Variants in PDE7B observed in about 807,000 individuals in gnomAD.
The protein encoded by PDE7B is 3',5'-cyclic-AMP phosphodiesterase 7B.
A neutral mutation model predicts 56.2 loss-of-function variants in PDE7B; 29 were observed. That is an observed-to-expected ratio of 0.52 (90% CI 0.38 to 0.70). The LOEUF is 0.70. PDE7B is among the 30% of genes least tolerant of loss of function. PDE7B has a pLI of 0.00. For missense variants in PDE7B, 490 were observed against 565.0 expected (o/e 0.87, Z 1.35); for synonymous variants, 197 against 196.9 (o/e 1.00, Z 0.00).
intron 2 of PDE7B, among the ~76,000 whole-genome samples, chr6:135,960,242 CAATA>C (rs1346241781): frequency 6.6e-6 from 1 of 152,102 alleles, no homozygotes; most frequent in Non-Finnish European, 1.5e-5. Flanking sequence ...TAGGACATAA[CAATA>C]AATAAAGGAT....
chr6:135,974,309 T>C (rs1208662464), intron 2 of PDE7B, among the ~76,000 whole-genome samples: 3 of 147,384 alleles, frequency 2.0e-5, no homozygotes, highest in Non-Finnish European at 4.5e-5. Flanking sequence ...ATATATCTTA[T>C]AAATGTGTGT....
At chr6:136,042,595 C>T (rs1454101522) in intron 2 of PDE7B, among the ~76,000 whole-genome samples, 1 of 152,178 alleles carries the variant, frequency 6.6e-6, no homozygotes, top group African/African-American at 2.4e-5. Flanking sequence ...TGTAACGTCT[C>T]CTGCCTTTCA....
chr6:136,186,433 GA>G (rs775901761), intron 11 of PDE7B, among the ~76,000 whole-genome samples: 1 of 151,610 alleles, frequency 6.6e-6, no homozygotes, highest in Non-Finnish European at 1.5e-5. Flanking sequence ...GTCTCAAAAA[GA>G]AAAAAAGAAA....
At chr6:136,128,880 C>A (rs1188179372) in intron 3 of PDE7B, among the ~76,000 whole-genome samples, 1 of 152,150 alleles carries the variant, frequency 6.6e-6, no homozygotes, top group Non-Finnish European at 1.5e-5. Context: ...CTTTGTCCCA[C>A]CTTTCTGCTC....
intron 2 of PDE7B, among the ~76,000 whole-genome samples, chr6:135,997,732 T>C (rs985857942): frequency 1.3e-5 from 2 of 152,112 alleles, no homozygotes; most frequent in African/African-American, 4.8e-5. Flanking sequence ...AGGAGAACTG[T>C]TTTTCTTACA....
intron 2 of PDE7B, among the ~76,000 whole-genome samples, chr6:136,040,640 G>A (rs539438528): frequency 6.6e-6 from 1 of 152,246 alleles, no homozygotes; most frequent in South Asian, 2.1e-4. Flanking sequence ...CTGCACAGAG[G>A]CAGAGGTTTA....
At chr6:136,075,661 C>T (rs892661859) in intron 2 of PDE7B, among the ~76,000 whole-genome samples, 3 of 152,226 alleles carry the variant, frequency 2.0e-5, no homozygotes, top group Non-Finnish European at 4.4e-5. Flanking sequence ...TCATGGCCAT[C>T]TCTTCTCCCT....
chr6:136,108,150 A>AAT (rs1000286903), intron 2 of PDE7B, among the ~76,000 whole-genome samples: 13 of 150,780 alleles, frequency 8.6e-5, no homozygotes, highest in African/African-American at 2.4e-4. Context: ...AAAAGAAAGA[A>AAT]ATATATATAT....
intron 2 of PDE7B, among the ~76,000 whole-genome samples, chr6:136,058,527 A>C (rs955531481): frequency 1.3e-5 from 2 of 152,250 alleles, no homozygotes; most frequent in Non-Finnish European, 2.9e-5. Flanking sequence ...CTGGTTAATT[A>C]CTTTTAAGGT....
At chr6:135,873,161 G>C (rs1031422152) in intron 1 of PDE7B, among the ~76,000 whole-genome samples, 3 of 152,160 alleles carry the variant, frequency 2.0e-5, no homozygotes, top group Non-Finnish European at 2.9e-5. Context: ...CTAGTGATCT[G>C]TCATTAAGTG....
At chr6:135,945,997 C>T (rs915899618) in intron 1 of PDE7B, among the ~76,000 whole-genome samples, 1 of 152,022 alleles carries the variant, frequency 6.6e-6, no homozygotes, top group Non-Finnish European at 1.5e-5. Flanking sequence ...CCCCAGTGTG[C>T]CCTCCAACAT....
At chr6:136,127,784 A>T (rs987540298) in intron 3 of PDE7B, among the ~76,000 whole-genome samples, 2 of 152,304 alleles carry the variant, frequency 1.3e-5, no homozygotes, top group East Asian at 1.9e-4. Flanking sequence ...TTCTTGGCAT[A>T]ATGTTGAGGG....
At chr6:136,178,927 T>A in intron 9 of PDE7B, 70 bp from the exon 10 acceptor site, 3 of 1,523,278 alleles carry the variant, frequency 2.0e-6, no homozygotes, top group Non-Finnish European at 2.7e-6. Context: ...CTGATGATGA[T>A]AAAATCAATC....
rs537465109 is a variant in PDE7B, at chr6:135,880,664, G to A, written c.21+28645G>A. 2.0e-5 allele frequency among the ~76,000 whole-genome samples: 3 copies of A among 152,290 alleles called. No individual in the cohort carries two copies. The East Asian group carries it at 5.8e-4, about 29-fold the overall frequency. ...GGACTTAAGAAAAAGAGAATTTGGA[G>A]CTGATCTTCCACTGGGCCCTGAAGT... On this transcript the variant is annotated intron_variant, in intron 1 of 12. Transcript: ENST00000308191.
Position 135,958,710 on chromosome 6 carries a change from G to A in PDE7B, c.82+11186G>A, listed in dbSNP as rs78874886. 3.2e-3 allele frequency among the ~76,000 whole-genome samples: 484 copies of A among 152,186 alleles called. 1 individual carries two copies. Among genetic ancestry groups the A allele is most frequent in the African/African-American group, 0.011 (457 of 41,530 alleles). ...TTATATCAATTGCTATCTTTGAACT[G>A]TAGCATTTCTTTTTCATATCTAATT... On this transcript the variant is annotated intron_variant, in intron 2 of 12. Coordinates refer to ENST00000308191, the MANE Select transcript of PDE7B (RefSeq NM_018945.4).
chr6:135,975,939 AATCCTCCAAC>A (rs1336324202), intron 2 of PDE7B, among the ~76,000 whole-genome samples: 1 of 152,092 alleles, frequency 6.6e-6, no homozygotes, highest in African/African-American at 2.4e-5. Context: ...GTTGGAGACA[AATCCTCCAAC>A]CAGAATGCAG....
At chr6:135,860,843 A>AT (rs67709894) in intron 1 of PDE7B, among the ~76,000 whole-genome samples, 12,704 of 149,354 alleles carry the variant, frequency 0.085, 614 homozygotes, top group South Asian at 0.13. Context: ...CTTGTTTTAA[A>AT]TTTTTTTTTT....
In PDE7B at chr6:136,191,788, A is replaced by AC; in HGVS notation, c.1303dup (p.His435ProfsTer7). The stretch of plus-strand genomic sequence containing the variant: ...AGCAGTGGCAGCGGGCCTGACCACG[A>AC]CCACGCAGGCCAAGGGACTGAGAGC... On this transcript the variant is annotated frameshift_variant, in exon 13 of 13. Coordinates refer to ENST00000308191, the MANE Select transcript of PDE7B (RefSeq NM_018945.4). LOFTEE classifies it low-confidence loss of function (END_TRUNC). 6.4e-7 allele frequency: 1 copy of AC among 1,570,064 alleles called. No homozygotes were observed. The highest frequency in any genetic ancestry group is 8.6e-7 in the Non-Finnish European group (1 of 1,158,242).
At position 135,983,427 on chromosome 6, in the gene PDE7B, A is replaced by G. The variant is rs573954087; in HGVS notation, c.82+35903A>G. On this transcript the variant is annotated intron_variant, in intron 2 of 12. Coordinates refer to ENST00000308191, the MANE Select transcript of PDE7B (RefSeq NM_018945.4). ...TGTGTAATATCAGTTGAGTATTTTC[A>G]TAAAGAAAACTACCTACATTAGATA... is the stretch of plus-strand genomic sequence containing the variant. Among the ~76,000 whole-genome samples, 323 of 152,348 alleles carry G rather than the reference A, an allele frequency of 2.1e-3. 2 individuals are homozygous for G. Among genetic ancestry groups the G allele is most frequent in the African/African-American group, 7.5e-3 (310 of 41,588 alleles).
Sources: gnomAD v4.1 joint callset for allele counts (sites outside exome capture counted in the v4.1 genomes callset) on GRCh38, gnomAD v4.1.1 for gene constraint, MANE v1.5 for transcripts, NCBI Gene and HGNC (gene_info 2026-07-23, HGNC 2026-07-21) for gene names.